Variants in PCED1B observed in about 807,000 individuals in gnomAD.
PCED1B encodes PC-esterase domain-containing protein 1B.
For synonymous variants in PCED1B, 251 were observed against 246.1 expected (o/e 1.02, Z -0.19); for missense variants, 573 against 573.9 (o/e 1.00, Z 0.02).
chr12:47,092,022 C>G (rs1213762912), intron 1 of PCED1B, among the ~76,000 whole-genome samples: 2 of 152,032 alleles, frequency 1.3e-5, no homozygotes, highest in Admixed American at 1.3e-4. Flanking sequence ...TGATTTCCAA[C>G]TTTTACATTT....
chr12:47,186,656 G>A (rs1437516786), intron 2 of PCED1B, among the ~76,000 whole-genome samples: 1 of 152,124 alleles, frequency 6.6e-6, no homozygotes, highest in East Asian at 1.9e-4. Flanking sequence ...GCAAGCATCA[G>A]AAGCCAGGAA....
intron 2 of PCED1B, among the ~76,000 whole-genome samples, chr12:47,176,532 C>A (rs1332871203): frequency 6.6e-6 from 1 of 152,226 alleles, no homozygotes; most frequent in Admixed American, 6.5e-5. Context: ...ACGCCGCATG[C>A]CCCGTACCTT....
At chr12:47,113,093 T>G (rs1444370067) in intron 2 of PCED1B, among the ~76,000 whole-genome samples, 1 of 152,224 alleles carries the variant, frequency 6.6e-6, no homozygotes, top group African/African-American at 2.4e-5. Context: ...TGGGGATGTC[T>G]TATTCATTCT....
At position 47,136,684 on chromosome 12, in the gene PCED1B, G is replaced by A. The variant is rs561116259; in HGVS notation, c.-526+32489G>A. On this transcript the variant is annotated intron_variant, in intron 2 of 3. Transcript: ENST00000546455. Reference sequence around the variant, plus strand: ...TTTAATTTCCATTTTAATAATCTTAGCATCATTATGAGATAGTATTAGGCA... The same window carrying A: ...TTTAATTTCCATTTTAATAATCTTAACATCATTATGAGATAGTATTAGGCA... 4.6e-5 allele frequency among the ~76,000 whole-genome samples: 7 copies of A among 151,990 alleles called. 1 individual carries two copies. Among genetic ancestry groups the A allele is most frequent in the Admixed American group, 3.9e-4 (6 of 15,274 alleles).
At chr12:47,097,785 G>T (rs2137202664) in intron 1 of PCED1B, among the ~76,000 whole-genome samples, 1 of 152,292 alleles carries the variant, frequency 6.6e-6, no homozygotes, top group Non-Finnish European at 1.5e-5. Flanking sequence ...TCGGATGAAT[G>T]AATGAAAAGT....
At chr12:47,214,229 T>G (rs895660977) in intron 2 of PCED1B, among the ~76,000 whole-genome samples, 1 of 152,174 alleles carries the variant, frequency 6.6e-6, no homozygotes, top group African/African-American at 2.4e-5. Context: ...GCATAAGGTA[T>G]GGAATTAATT....
chr12:47,146,056 C>A (rs1452943489), intron 2 of PCED1B, among the ~76,000 whole-genome samples: 1 of 152,110 alleles, frequency 6.6e-6, no homozygotes, highest in Admixed American at 6.6e-5. Flanking sequence ...AGGAGGAAGT[C>A]AAAATATCAA....
intron 3 of PCED1B, among the ~76,000 whole-genome samples, chr12:47,222,279 G>C (rs1191040612): frequency 7.9e-5 from 12 of 151,662 alleles, no homozygotes; most frequent in African/African-American, 2.7e-4. Context: ...AAAATTAGCC[G>C]GGCGTGGTAG....
intron 3 of PCED1B, among the ~76,000 whole-genome samples, chr12:47,221,938 CA>C (rs1234954873): frequency 4.6e-5 from 7 of 151,482 alleles, no homozygotes; most frequent in African/African-American, 1.5e-4. Flanking sequence ...CCTGTCTCCA[CA>C]AAAAATTTTA....
chr12:47,196,742 T>C (rs1445509591), intron 2 of PCED1B, among the ~76,000 whole-genome samples: 1 of 151,682 alleles, frequency 6.6e-6, no homozygotes, highest in African/African-American at 2.4e-5. Context: ...GTAGAATTGC[T>C]TGAACCCAGG....
intron 2 of PCED1B, among the ~76,000 whole-genome samples, chr12:47,119,637 G>A (rs1332211231): frequency 1.3e-5 from 2 of 151,674 alleles, no homozygotes; most frequent in Non-Finnish European, 2.9e-5. Context: ...TTTGCAATCT[G>A]GCAAGAGACT....
chr12:47,143,865 T>C (rs1940687992), intron 2 of PCED1B, among the ~76,000 whole-genome samples: 1 of 152,162 alleles, frequency 6.6e-6, no homozygotes, highest in Non-Finnish European at 1.5e-5. Context: ...AATAGACACA[T>C]AGATAAACAA....
chr12:47,085,778 A>G (rs1036851311), intron 1 of PCED1B, among the ~76,000 whole-genome samples: 1 of 152,180 alleles, frequency 6.6e-6, no homozygotes, highest in Non-Finnish European at 1.5e-5. Flanking sequence ...ATTATTCTAG[A>G]GTCCTTTGTG....
In PCED1B at chr12:47,216,570, C is replaced by T. The variant is rs1051858000; in HGVS notation, c.-177C>T. ...GAGGCTAACCTATTTCCCCTATAGC[C>T]CAAGCTCTGAGATCTCCCGTCTGGT... On this transcript the variant is annotated 5_prime_UTR_variant, in exon 3 of 4. Coordinates refer to ENST00000546455, the MANE Select transcript of PCED1B (RefSeq NM_138371.3). 1.3e-5 allele frequency: 2 copies of T among 152,186 alleles called. No homozygotes were observed. The highest frequency in any genetic ancestry group is 4.8e-5 in the African/African-American group (2 of 41,426). 9.4% of individuals were successfully genotyped at this position (152,186 alleles called of 1,614,324 possible). A position where few individuals can be genotyped will look rare whatever the true frequency, so the allele number is the denominator to read the frequency against.
chr12:47,212,956 GAACTT>G (rs1943138468), intron 2 of PCED1B, among the ~76,000 whole-genome samples: 1 of 152,172 alleles, frequency 6.6e-6, no homozygotes, highest in African/African-American at 2.4e-5. Flanking sequence ...ACAGAATACA[GAACTT>G]GCATAAAACA....
chr12:47,236,468 G>A lies in PCED1B; in HGVS notation c.*106G>A. On this transcript the variant is annotated 3_prime_UTR_variant, in exon 4 of 4. Transcript: ENST00000546455. ...GACTGACCTTGTTAACTTAAGCCTG[G>A]AGTCCATGCCTCGTCTTCCTTTTGT... The A allele has an allele frequency of 8.7e-7, 1 of 1,152,634 alleles. No homozygotes were observed. The highest frequency in any genetic ancestry group is 1.2e-6 in the Non-Finnish European group (1 of 836,604). The allele number at this position is 1,152,634 out of a possible 1,614,324, so 71.4% of individuals were successfully genotyped here. A position where few individuals can be genotyped will look rare whatever the true frequency, so the allele number is the denominator to read the frequency against.
chr12:47,197,232 C>CT (rs1942629837), intron 2 of PCED1B, among the ~76,000 whole-genome samples: 1 of 79,174 alleles, frequency 1.3e-5, no homozygotes, highest in East Asian at 4.0e-4. Context: ...GAGTGAGACT[C>CT]TGTCTCAAAA....
chr12:47,207,603 T>C (rs1942950573), intron 2 of PCED1B, among the ~76,000 whole-genome samples: 1 of 152,228 alleles, frequency 6.6e-6, no homozygotes, highest in Non-Finnish European at 1.5e-5. Flanking sequence ...AGACCTCCCT[T>C]CCTTCCTCTT....
At chr12:47,101,902 C>T (rs1938723849) in intron 1 of PCED1B, among the ~76,000 whole-genome samples, 1 of 151,632 alleles carries the variant, frequency 6.6e-6, no homozygotes, top group South Asian at 2.1e-4. Context: ...GCCGAGATGG[C>T]ACCATTGCAC....
Sources: allele counts gnomAD v4.1 joint callset (sites outside exome capture counted in the v4.1 genomes callset), GRCh38; gene constraint gnomAD v4.1.1; transcripts MANE v1.5; gene names NCBI Gene and HGNC (gene_info 2026-07-23, HGNC 2026-07-21).